WDFY4: variants seen among roughly 807,000 people sequenced by gnomAD.
WDFY4 encodes the protein WD repeat- and FYVE domain-containing protein 4.
Under a neutral mutation model 351.9 loss-of-function variants are expected in WDFY4, and 169 were observed. That is an observed-to-expected ratio of 0.48 (90% CI 0.42 to 0.55). The LOEUF (loss-of-function observed/expected upper bound fraction) is 0.55, where lower values mean the gene tolerates loss of function less well. Ranked by LOEUF, WDFY4 falls within the 20% of genes least tolerant of loss-of-function variation. WDFY4 has a pLI of 0.00. For synonymous variants in WDFY4, 1,622 were observed against 1,574.6 expected (o/e 1.03, Z -0.71); for missense variants, 3,803 against 3,935.6 (o/e 0.97, Z 0.90).
intron 13 of WDFY4, among the ~76,000 whole-genome samples, chr10:48,761,113 T>C (rs1324636390): frequency 1.3e-5 from 2 of 151,954 alleles, no homozygotes; most frequent in Non-Finnish European, 2.9e-5. Flanking sequence ...GATGGTGACA[T>C]GTAAGCAGAG....
chr10:48,826,872 T>C lies in WDFY4; in HGVS notation c.6184T>C (p.Cys2062Arg), dbSNP rs1182210355. 5.8e-6 allele frequency: 9 copies of C among 1,551,774 alleles called. No individual in the cohort carries two copies. Among genetic ancestry groups the C allele is most frequent in the East Asian group, 4.9e-5 (2 of 40,930 alleles). The change falls in exon 36 of 62, where the codon TGT (cysteine) becomes CGT (arginine). Residue 2062 changes from cysteine to arginine, a missense_variant. Cys to Arg is a radical substitution (Grantham distance 180). This residue lies in a region of WDFY4 where 3,054 missense variants were observed against 3,148.6 expected (regional missense o/e 0.97). Coordinates refer to ENST00000325239, the MANE Select transcript of WDFY4 (RefSeq NM_001394531.1). The stretch of plus-strand genomic sequence containing the variant: ...CAATTCCAACATCAGCTTCCTCCTG[T>C]GTCTCATGCATTGCCTTTTGCTACT... The part of the protein sequence containing the change: ...TYNSNISFLL[C>R]LMHCLLLLNE...
At chr10:48,897,913 C>CCCAGTAGAGCTGATAA in intron 45 of WDFY4, among the ~76,000 whole-genome samples, 1 of 152,344 alleles carries the variant, frequency 6.6e-6, no homozygotes, top group African/African-American at 2.4e-5. Context: ...TACATTACCT[C>CCCAGTAGAGCTGATAA]CCAGTAGAGC....
At position 48,868,106 on chromosome 10, in the gene WDFY4, C is replaced by T. The variant is rs865927408; in HGVS notation, c.6741+764C>T. Among the ~76,000 whole-genome samples the T allele has an allele frequency of 1.1e-4, 16 of 152,282 alleles. No homozygotes were observed. In the Middle Eastern group the frequency reaches 0.01, roughly 97 times the overall value. On this transcript the variant is annotated intron_variant, in intron 40 of 61. Transcript: ENST00000325239. Reference sequence around the variant, plus strand: ...GTGGGCCACAGAGCAGGAAGGCTTACACATGGTGCCCGGTGCCAGGAAACA... The same window carrying T: ...GTGGGCCACAGAGCAGGAAGGCTTATACATGGTGCCCGGTGCCAGGAAACA...
At chr10:48,774,348 G>C (rs1565182019) in intron 13 of WDFY4, 110 bp from the exon 14 acceptor site, 1 of 1,115,196 alleles carries the variant, frequency 9.0e-7, no homozygotes, top group East Asian at 2.6e-5. Flanking sequence ...GGTATGGTGG[G>C]CGCAGTCTCC....
At chr10:48,965,422 A>G (rs7083751) in intron 54 of WDFY4, among the ~76,000 whole-genome samples, 79,496 of 152,040 alleles carry the variant, frequency 0.52, 20,699 homozygotes, top group Non-Finnish European at 0.54. Flanking sequence ...GTCACCTTGA[A>G]CAAAGAAGAG....
intron 39 of WDFY4, among the ~76,000 whole-genome samples, chr10:48,836,343 T>A (rs1816046093): frequency 6.6e-6 from 1 of 152,154 alleles, no homozygotes; most frequent in African/African-American, 2.4e-5. Context: ...GTCCCTCCAG[T>A]GAGAAGGTCG....
intron 23 of WDFY4, among the ~76,000 whole-genome samples, chr10:48,795,489 C>CTGTA (rs1555013884): frequency 5.3e-4 from 38 of 71,672 alleles, no homozygotes; most frequent in African/African-American, 2.0e-3. Flanking sequence ...ATGTGTGTGT[C>CTGTA]TGTATATATA....
chr10:48,875,001 G>A (rs1461332153), intron 41 of WDFY4, 88 bp from the exon 42 acceptor site: 10 of 720,416 alleles, frequency 1.4e-5, no homozygotes, highest in East Asian at 1.0e-4. Flanking sequence ...ATGCATGTGC[G>A]TGTTTGTGAA....
chr10:48,730,538 C>G (rs538026954), intron 8 of WDFY4, among the ~76,000 whole-genome samples: 1 of 152,246 alleles, frequency 6.6e-6, no homozygotes, highest in East Asian at 1.9e-4. Flanking sequence ...AGGGGTGGGT[C>G]AGGAAAGTGT....
chr10:48,917,367 G>T (rs188521788), intron 47 of WDFY4, among the ~76,000 whole-genome samples: 1 of 152,300 alleles, frequency 6.6e-6, no homozygotes, highest in African/African-American at 2.4e-5. Flanking sequence ...TTCCAACAGT[G>T]ATGAAAAAGA....
intron 24 of WDFY4, among the ~76,000 whole-genome samples, 197 bp from the exon 25 acceptor site, chr10:48,803,089 G>C (rs1053459880): frequency 2.0e-5 from 3 of 152,186 alleles, no homozygotes; most frequent in Non-Finnish European, 4.4e-5. Context: ...CAGAGATGGC[G>C]AGAGAAGGCC....
At chr10:48,889,531 T>C (rs1420331754) in intron 43 of WDFY4, among the ~76,000 whole-genome samples, 2 of 152,226 alleles carry the variant, frequency 1.3e-5, no homozygotes, top group Non-Finnish European at 2.9e-5. Context: ...CTATTCTGCT[T>C]TTGTATAACT....
At chr10:48,711,631 A>C (rs2063769959) in intron 2 of WDFY4, among the ~76,000 whole-genome samples, 1 of 152,106 alleles carries the variant, frequency 6.6e-6, no homozygotes, top group South Asian at 2.1e-4. Flanking sequence ...TTGAGAGTTC[A>C]TTTGTTTGTT....
At chr10:48,873,722 G>A in intron 41 of WDFY4, 25 bp downstream of exon 41, 1 of 1,550,102 alleles carries the variant, frequency 6.5e-7, no homozygotes, top group Non-Finnish European at 8.7e-7. Flanking sequence ...CAGTGGGACA[G>A]TGCTGGTTCC....
chr10:48,879,917 C>T (rs1369072346), intron 43 of WDFY4, among the ~76,000 whole-genome samples: 1 of 152,242 alleles, frequency 6.6e-6, no homozygotes, highest in Non-Finnish European at 1.5e-5. Flanking sequence ...ACCAACTCTG[C>T]TGCTGCCTAG....
chr10:48,968,948 T>C (rs1041490909), intron 55 of WDFY4, 116 bp from the exon 56 acceptor site: 1 of 1,081,584 alleles, frequency 9.2e-7, no homozygotes, highest in Admixed American at 2.2e-5. Context: ...GTGGGTGCTG[T>C]CCTTCCATGC....
intron 39 of WDFY4, among the ~76,000 whole-genome samples, chr10:48,844,003 T>G (rs1375680148): frequency 6.6e-6 from 1 of 152,184 alleles, no homozygotes; most frequent in Non-Finnish European, 1.5e-5. Flanking sequence ...GTCTGGGCCC[T>G]CCTGAGGCAC....
intron 12 of WDFY4, among the ~76,000 whole-genome samples, chr10:48,746,483 C>T (rs1459958578): frequency 2.6e-5 from 4 of 151,794 alleles, no homozygotes; most frequent in Non-Finnish European, 4.4e-5. Context: ...TAAGGAACCA[C>T]TTTTGTTGGT....
intron 40 of WDFY4, among the ~76,000 whole-genome samples, chr10:48,867,642 C>A (rs1464354437): frequency 6.6e-6 from 1 of 152,180 alleles, no homozygotes; most frequent in Non-Finnish European, 1.5e-5. Flanking sequence ...GTGGTCTGAG[C>A]CTCTGTGTGC....
Sources: allele counts gnomAD v4.1 joint callset (sites outside exome capture counted in the v4.1 genomes callset), GRCh38; gene constraint gnomAD v4.1.1; regional missense constraint gnomAD v4.1.1; transcripts MANE v1.5; gene names NCBI Gene and HGNC (gene_info 2026-07-23, HGNC 2026-07-21).